The following ZC3H8 variants were observed in gnomAD, a reference collection of about 807,000 sequenced individuals.
ZC3H8 encodes the protein zinc finger CCCH domain-containing protein 8.
ZC3H8 carries 27 observed loss-of-function variants against 42.5 expected under a neutral mutation model. The observed-to-expected ratio is 0.64, with a 90% CI of 0.47 to 0.88. ZC3H8 has a LOEUF of 0.88. Ranked by LOEUF, ZC3H8 falls within the 40% of genes least tolerant of loss-of-function variation. The pLI is 0.00. For synonymous variants in ZC3H8, 101 were observed against 110.1 expected (o/e 0.92, Z 0.52); for missense variants, 277 against 336.1 (o/e 0.82, Z 1.37).
chr2:112,224,599 CA>C (rs1266670212), intron 8 of ZC3H8, among the ~76,000 whole-genome samples: 9 of 152,154 alleles, frequency 5.9e-5, no homozygotes, highest in Admixed American at 3.3e-4. Context: ...TGTCCATCAA[CA>C]GATGAATAAA....
intron 8 of ZC3H8, among the ~76,000 whole-genome samples, chr2:112,223,117 G>C (rs898883304): frequency 4.6e-5 from 7 of 152,050 alleles, no homozygotes; most frequent in African/African-American, 1.7e-4. Context: ...CGTGGGGTGG[G>C]GGAGTGGGGA....
intron 8 of ZC3H8, among the ~76,000 whole-genome samples, chr2:112,228,863 A>C (rs1684965615): frequency 6.6e-6 from 1 of 152,230 alleles, no homozygotes; most frequent in Non-Finnish European, 1.5e-5. Context: ...AACATACGTA[A>C]AGAACTCCTA....
At chr2:112,242,799 TTC>T (rs1170688865) in intron 2 of ZC3H8, among the ~76,000 whole-genome samples, 1 of 152,230 alleles carries the variant, frequency 6.6e-6, no homozygotes, top group Non-Finnish European at 1.5e-5. Context: ...ATTAAAATTA[TTC>T]TTTTTTAAAA....
At chr2:112,231,752 C>A (rs1315769217) in intron 7 of ZC3H8, 86 bp downstream of exon 7, 1 of 755,220 alleles carries the variant, frequency 1.3e-6, no homozygotes, top group Non-Finnish European at 2.0e-6. Context: ...GAGGCACTCT[C>A]CTTAATTATC....
chr2:112,254,381 C>A (rs552601787), intron 1 of ZC3H8, among the ~76,000 whole-genome samples: 1 of 152,336 alleles, frequency 6.6e-6, no homozygotes, highest in East Asian at 1.9e-4. Context: ...TTATTGTGGT[C>A]TTTAGGGTCT....
intron 8 of ZC3H8, among the ~76,000 whole-genome samples, chr2:112,219,327 T>G (rs543207351): frequency 6.6e-6 from 1 of 152,252 alleles, no homozygotes; most frequent in South Asian, 2.1e-4. Flanking sequence ...GACCATTCAA[T>G]GAAGGAAGGA....
intron 8 of ZC3H8, among the ~76,000 whole-genome samples, chr2:112,226,735 C>T (rs554037892): frequency 5.9e-5 from 9 of 151,956 alleles, no homozygotes; most frequent in East Asian, 5.8e-4. Context: ...TACCTTGATA[C>T]GAAAGCCAGA....
At position 112,233,363 on chromosome 2, in the gene ZC3H8, C is replaced by A; in HGVS notation, c.630G>T (p.Gln210His). 1 of 1,585,984 alleles carries A rather than the reference C, an allele frequency of 6.3e-7. No individual in the cohort carries two copies. The highest frequency in any genetic ancestry group is 8.6e-7 in the Non-Finnish European group (1 of 1,164,396). The stretch of plus-strand genomic sequence containing the variant: ...TCTCTGCATCATGATCAAATTTACA[C>A]TGGTCTCCCTAGGCCAAAAGAAGGA... ...FLERKCIKGD[Q>H]CKFDHDAEIE... is the part of the protein sequence containing the mutation. Residue 210 changes from glutamine to histidine, a missense_variant, in exon 6 of 9, where the codon CAG becomes CAT. Coordinates refer to ENST00000409573, the MANE Select transcript of ZC3H8 (RefSeq NM_032494.3).
intron 3 of ZC3H8, among the ~76,000 whole-genome samples, chr2:112,237,336 G>A (rs1194512423): frequency 6.6e-6 from 1 of 152,122 alleles, no homozygotes. Flanking sequence ...GATCTAATTA[G>A]GAACTGCAAC....
chr2:112,249,072 G>A (rs1375467765), intron 2 of ZC3H8, among the ~76,000 whole-genome samples: 1 of 152,040 alleles, frequency 6.6e-6, no homozygotes, highest in Non-Finnish European at 1.5e-5. Context: ...TGGGCGTGGT[G>A]GTGCACACCT....
chr2:112,242,552 CA>C (rs1685621763), intron 2 of ZC3H8, among the ~76,000 whole-genome samples: 1 of 152,144 alleles, frequency 6.6e-6, no homozygotes, highest in African/African-American at 2.4e-5. Context: ...ATACTTACCA[CA>C]TCAAAACACA....
intron 1 of ZC3H8, among the ~76,000 whole-genome samples, chr2:112,254,636 C>T (rs1372578050): frequency 6.6e-6 from 1 of 152,254 alleles, no homozygotes; most frequent in African/African-American, 2.4e-5. Flanking sequence ...ATCCCGGAGC[C>T]TTCTCGCCTC....
chr2:112,228,170 A>G (rs117277693), intron 8 of ZC3H8, among the ~76,000 whole-genome samples: 1 of 152,310 alleles, frequency 6.6e-6, no homozygotes, highest in East Asian at 1.9e-4. Flanking sequence ...TGACAAAGGC[A>G]TGAAGGCAAG....
At chr2:112,235,517 G>A (rs1294110718) in intron 4 of ZC3H8, among the ~76,000 whole-genome samples, 1 of 152,102 alleles carries the variant, frequency 6.6e-6, no homozygotes, top group Non-Finnish European at 1.5e-5. Flanking sequence ...AAAATATGGA[G>A]GCAGGGGACA....
intron 8 of ZC3H8, among the ~76,000 whole-genome samples, chr2:112,226,324 C>A (rs111459259): frequency 0.021 from 3,154 of 151,934 alleles, 53 homozygotes; most frequent in South Asian, 0.048. Context: ...CGCGGTAGCT[C>A]ACGCCTGTAA....
At chr2:112,250,033 T>A (rs991831627) in intron 2 of ZC3H8, 158 bp downstream of exon 2, 1 of 474,128 alleles carries the variant, frequency 2.1e-6, no homozygotes, top group African/African-American at 2.0e-5. Context: ...TTGATATAAG[T>A]AACTGGGTCC....
chr2:112,230,143 C>T (rs1685027582), intron 8 of ZC3H8, among the ~76,000 whole-genome samples: 1 of 152,162 alleles, frequency 6.6e-6, no homozygotes, highest in East Asian at 1.9e-4. Flanking sequence ...AGAAAAGATG[C>T]TGCACTTCAT....
intron 8 of ZC3H8, among the ~76,000 whole-genome samples, chr2:112,221,144 G>T (rs977721612): frequency 3.3e-5 from 5 of 152,080 alleles, no homozygotes; most frequent in Admixed American, 6.5e-5. Flanking sequence ...CAGAGGTTTT[G>T]TTCAGTCTTT....
chr2:112,229,894 T>C (rs189062448), intron 8 of ZC3H8, among the ~76,000 whole-genome samples: 1 of 143,162 alleles, frequency 7.0e-6, no homozygotes, highest in African/African-American at 2.6e-5. Flanking sequence ...AAAGTAGGCA[T>C]AAACAAAAAG....
Sources: allele counts gnomAD v4.1 joint callset (sites outside exome capture counted in the v4.1 genomes callset), GRCh38; gene constraint gnomAD v4.1.1; transcripts MANE v1.5; gene names NCBI Gene and HGNC (gene_info 2026-07-23, HGNC 2026-07-21).